Variants in CTDSPL2 observed in about 807,000 individuals in gnomAD.
The protein encoded by CTDSPL2 is CTD small phosphatase like 2.
Under a neutral mutation model 60.0 loss-of-function variants are expected in CTDSPL2, and 5 were observed. That is an observed-to-expected ratio of 0.08 (90% CI 0.04 to 0.18). The LOEUF (loss-of-function observed/expected upper bound fraction) is 0.18, where lower values mean the gene tolerates loss of function less well. Ranked by LOEUF, CTDSPL2 falls within the 10% of genes least tolerant of loss-of-function variation. CTDSPL2 has a pLI of 1.00. For synonymous variants in CTDSPL2, 186 were observed against 189.3 expected, an observed-to-expected ratio of 0.98 and a Z score of 0.14; for missense variants, 370 against 548.8, an observed-to-expected ratio of 0.67 and a Z score of 3.26.
In CTDSPL2 at chr15:44,527,824, A is replaced by T. The variant is rs372341569; in HGVS notation, c.*3650A>T. The T allele has an allele frequency of 6.6e-6, 1 of 152,200 alleles. No individual in the cohort carries two copies. Among genetic ancestry groups the T allele is most frequent in the African/African-American group, 2.4e-5 (1 of 41,460 alleles). 9.4% of individuals were successfully genotyped at this position (152,200 alleles called of 1,614,324 possible). ...TGGGCCAAAAGGCCTTAGGGTTGTC[A>T]TTCATTGACTTTCTTATTCCTCTCA... On this transcript the variant is annotated 3_prime_UTR_variant, in exon 13 of 13. Coordinates refer to ENST00000260327, the MANE Select transcript of CTDSPL2 (RefSeq NM_016396.3).
intron 2 of CTDSPL2, among the ~76,000 whole-genome samples, chr15:44,474,249 C>T (rs1173756428): frequency 1.3e-5 from 2 of 151,962 alleles, no homozygotes; most frequent in South Asian, 2.1e-4. Flanking sequence ...TTTAGGAGGC[C>T]GAGAAGGGCA....
chr15:44,490,891 A>T lies in CTDSPL2; in HGVS notation c.583A>T (p.Thr195Ser), dbSNP rs1223110396. 1 of 1,613,960 alleles carries T rather than the reference A, an allele frequency of 6.2e-7. No individual in the cohort carries two copies. Among genetic ancestry groups the T allele is most frequent in the Non-Finnish European group, 8.5e-7 (1 of 1,179,972 alleles). Residue 195 changes from threonine to serine, a missense_variant, in exon 5 of 13, where the codon ACT (threonine) becomes TCT (serine). Thr to Ser is a moderately conservative substitution (Grantham distance 58, BLOSUM62 1). Coordinates refer to ENST00000260327, the MANE Select transcript of CTDSPL2 (RefSeq NM_016396.3). ...GATCACTACCAGTACTACTACATCA[A>T]CTAATGGAGCAGCTTACTCAAATCA... Reference protein sequence around the residue: ...DEITTSTTTSTNGAAYSNQAV... With the variant: ...DEITTSTTTSSNGAAYSNQAV...
intron 1 of CTDSPL2, among the ~76,000 whole-genome samples, chr15:44,438,250 C>T (rs1192146846): frequency 7.0e-6 from 1 of 142,818 alleles, no homozygotes; most frequent in Non-Finnish European, 1.5e-5. Flanking sequence ...GGTGACAGAG[C>T]GAGACTCCGT....
intron 2 of CTDSPL2, among the ~76,000 whole-genome samples, chr15:44,468,259 T>C (rs2080736165): frequency 6.6e-6 from 1 of 152,188 alleles, no homozygotes; most frequent in African/African-American, 2.4e-5. Context: ...TTAGCTTTTC[T>C]CTTTCTTGTT....
chr15:44,472,993 C>G (rs1443863668), intron 2 of CTDSPL2, among the ~76,000 whole-genome samples: 6 of 152,112 alleles, frequency 3.9e-5, no homozygotes, highest in Non-Finnish European at 1.5e-5. Flanking sequence ...GACAGGGTTT[C>G]ACTATGTTGC....
intron 2 of CTDSPL2, among the ~76,000 whole-genome samples, chr15:44,460,711 G>A (rs1595719651): frequency 1.3e-5 from 2 of 151,978 alleles, no homozygotes; most frequent in East Asian, 3.9e-4. Flanking sequence ...TTTATTTTTT[G>A]TTTTTGTTTG....
chr15:44,505,682 C>T (rs1028762964), intron 8 of CTDSPL2, among the ~76,000 whole-genome samples: 8 of 149,322 alleles, frequency 5.4e-5, no homozygotes, highest in African/African-American at 7.4e-5. Flanking sequence ...TGCAGTGAGC[C>T]GAAATCGCAC....
intron 1 of CTDSPL2, among the ~76,000 whole-genome samples, chr15:44,433,313 C>G (rs2079900066): frequency 8.5e-6 from 1 of 117,030 alleles, no homozygotes; most frequent in South Asian, 2.7e-4. Context: ...GGTAACAGAG[C>G]AAGACCCTGT....
intron 2 of CTDSPL2, among the ~76,000 whole-genome samples, chr15:44,461,539 C>T (rs2080569714): frequency 1.3e-5 from 2 of 150,784 alleles, no homozygotes; most frequent in Admixed American, 1.3e-4. Context: ...CAGGCATGTA[C>T]CACCATGCCC....
chr15:44,486,524 A>G (rs781207454), intron 3 of CTDSPL2, 27 bp from the exon 4 acceptor site: 3 of 1,483,958 alleles, frequency 2.0e-6, no homozygotes, highest in Admixed American at 2.4e-5. Context: ...TTTCTAGATC[A>G]TGACTTTTTT....
At chr15:44,449,265 C>T (rs1407994032) in intron 1 of CTDSPL2, 2 of 240,976 alleles carry the variant, frequency 8.3e-6, no homozygotes, top group Non-Finnish European at 1.7e-5. Context: ...TCCACTCAGA[C>T]TATGCTTGTC....
intron 5 of CTDSPL2, among the ~76,000 whole-genome samples, chr15:44,492,941 G>A (rs925881762): frequency 1.1e-4 from 17 of 152,244 alleles, no homozygotes; most frequent in Admixed American, 7.9e-4. Context: ...TCATGCTCTT[G>A]TATAAGCCTT....
intron 2 of CTDSPL2, among the ~76,000 whole-genome samples, chr15:44,471,599 ATATAG>A (rs1175614137): frequency 2.0e-5 from 3 of 152,146 alleles, no homozygotes; most frequent in Admixed American, 6.6e-5. Flanking sequence ...TAAATATGTA[ATATAG>A]TATAGTTAAG....
intron 3 of CTDSPL2, among the ~76,000 whole-genome samples, 162 bp downstream of exon 3, chr15:44,484,524 C>T (rs1378906218): frequency 2.6e-5 from 4 of 152,176 alleles, no homozygotes; most frequent in South Asian, 4.1e-4. Context: ...CATTTGAGGC[C>T]AGGAATTTGA....
chr15:44,458,919 C>T (rs1268257641), intron 1 of CTDSPL2, 72 bp from the exon 2 acceptor site: 2 of 977,502 alleles, frequency 2.0e-6, no homozygotes, highest in African/African-American at 3.4e-5. Flanking sequence ...ATAAGCTGGG[C>T]ACATTTGGGT....
At chr15:44,463,474 G>GT (rs775063825) in intron 2 of CTDSPL2, among the ~76,000 whole-genome samples, 1 of 152,146 alleles carries the variant, frequency 6.6e-6, no homozygotes, top group Non-Finnish European at 1.5e-5. Flanking sequence ...TTTGGGTAAG[G>GT]TTTTTCATAC....
chr15:44,476,309 G>A (rs1199955979), intron 2 of CTDSPL2, among the ~76,000 whole-genome samples: 2 of 151,902 alleles, frequency 1.3e-5, no homozygotes, highest in South Asian at 4.2e-4. Context: ...CTCATGATCC[G>A]CCCGCCCTGG....
rs1298965160 is a variant in CTDSPL2, at chr15:44,461,334, CAAT to C, written c.186+2137_186+2139del. On this transcript the variant is annotated intron_variant, in intron 2 of 12. Coordinates refer to ENST00000260327, the MANE Select transcript of CTDSPL2 (RefSeq NM_016396.3). ...AACCTCCTGTTGACCAGAGCTTTAC[CAAT>C]AACATAAACAATCATTCAACACATA... Among the ~76,000 whole-genome samples the C allele has an allele frequency of 3.3e-5, 5 of 152,276 alleles. No homozygotes were observed. In the East Asian group the frequency reaches 9.6e-4, roughly 29 times the overall value.
intron 10 of CTDSPL2, chr15:44,517,587 C>A (rs1040996494): frequency 2.0e-5 from 3 of 152,042 alleles, no homozygotes; most frequent in Non-Finnish European, 4.4e-5. Flanking sequence ...ATGACTGGTA[C>A]AAATAGTTTT....
Sources: allele counts gnomAD v4.1 joint callset (sites outside exome capture counted in the v4.1 genomes callset), GRCh38; gene constraint gnomAD v4.1.1; transcripts MANE v1.5; gene names NCBI Gene and HGNC (gene_info 2026-07-23, HGNC 2026-07-21).